The following FEZ2 variants were observed in gnomAD, a reference collection of about 807,000 sequenced individuals.
FEZ2 encodes the protein fasciculation and elongation protein zeta-2.
Under a neutral mutation model 40.4 loss-of-function variants are expected in FEZ2, and 51 were observed. The ratio of observed to expected loss-of-function variants is 1.26; its 90% confidence interval spans 1.01 to 1.59. FEZ2 has a LOEUF of 1.59. Ranked by LOEUF, FEZ2 falls within the 40% of genes most tolerant of loss-of-function variation. The pLI is 0.00. For missense variants in FEZ2, 640 were observed against 438.3 expected (o/e 1.46, Z -4.11); for synonymous variants, 242 against 172.0 (o/e 1.41, Z -3.18).
chr2:36,594,815 A>G (rs1669167226), intron 1 of FEZ2, among the ~76,000 whole-genome samples: 1 of 152,252 alleles, frequency 6.6e-6, no homozygotes, highest in African/African-American at 2.4e-5. Context: ...GCTATAAGAA[A>G]AAGGCAAATG....
intron 1 of FEZ2, among the ~76,000 whole-genome samples, chr2:36,597,599 T>C (rs1180759010): frequency 6.6e-6 from 1 of 152,194 alleles, no homozygotes; most frequent in African/African-American, 2.4e-5. Flanking sequence ...GGGCTCTGCA[T>C]GGGCGATTCC....
In FEZ2 at chr2:36,552,927, G is replaced by C. The variant is rs1390756300; in HGVS notation, c.*236C>G. ...ATATTACTCTCTCTTAATCTACTAA[G>C]AGAACAGTTTATTAGTAGATTTAAC... On this transcript the variant is annotated 3_prime_UTR_variant, in exon 8 of 8. Transcript: ENST00000405912. 2.0e-6 allele frequency: 1 copy of C among 512,504 alleles called. No homozygotes were observed. Among genetic ancestry groups the C allele is most frequent in the Non-Finnish European group, 3.5e-6 (1 of 285,682 alleles). The allele number at this position is 512,504 out of a possible 1,614,324, so 31.7% of individuals were successfully genotyped here.
chr2:36,593,991 A>T (rs1669144184), intron 1 of FEZ2, among the ~76,000 whole-genome samples: 1 of 151,924 alleles, frequency 6.6e-6, no homozygotes, highest in African/African-American at 2.4e-5. Context: ...CAGATACCCT[A>T]ACTCATCTCC....
rs573896953 is a variant in FEZ2, at chr2:36,552,819, C to T, written c.*344G>A. 28 of 252,260 alleles carry T rather than the reference C, an allele frequency of 1.1e-4. No individual in the cohort carries two copies. Among genetic ancestry groups the T allele is most frequent in the Non-Finnish European group, 2.0e-4 (27 of 132,514 alleles). The allele number at this position is 252,260 out of a possible 1,614,324, so 15.6% of individuals were successfully genotyped here. On this transcript the variant is annotated 3_prime_UTR_variant, in exon 8 of 8. Coordinates refer to ENST00000405912, the MANE Select transcript of FEZ2 (RefSeq NM_005102.3). ...CTCCCAAGGCTTTAATCTAGTTCAT[C>T]AGTGCAGTTTAGATAAGAAAGCCAT...
At chr2:36,570,692 C>T (rs1404108351) in intron 5 of FEZ2, among the ~76,000 whole-genome samples, 1 of 152,198 alleles carries the variant, frequency 6.6e-6, no homozygotes, top group African/African-American at 2.4e-5. Context: ...TAGTCTACTG[C>T]TCCTAGGCTA....
chr2:36,571,353 T>C (rs566244060), intron 5 of FEZ2, among the ~76,000 whole-genome samples: 83 of 152,326 alleles, frequency 5.4e-4, no homozygotes, highest in African/African-American at 1.7e-3. Context: ...AATGTGTCAA[T>C]ATTTACATTC....
chr2:36,578,544 C>G, intron 5 of FEZ2, 53 bp downstream of exon 5: 2 of 1,562,744 alleles, frequency 1.3e-6, no homozygotes, highest in Non-Finnish European at 1.7e-6. Context: ...AAGGCTGGGA[C>G]TACCACAGAA....
rs984345381 is a variant in FEZ2, at chr2:36,558,477, C to T, written c.940G>A (p.Gly314Arg). 9.8e-6 allele frequency: 15 copies of T among 1,523,544 alleles called. No homozygotes were observed. Among genetic ancestry groups the T allele is most frequent in the Non-Finnish European group, 1.1e-5 (13 of 1,131,514 alleles). The allele number at this position is 1,523,544 out of a possible 1,614,324, so 94.4% of individuals were successfully genotyped here. A position where few individuals can be genotyped will look rare whatever the true frequency, so the allele number is the denominator to read the frequency against. The change falls in exon 6 of 8, where the codon GGA becomes AGA. Residue 314 changes from glycine (G) to arginine (R), a missense_variant. Gly to Arg is a moderately radical substitution (Grantham distance 125). Transcript: ENST00000405912. ...TGAAGATCTTCAACAGACGGTGGTC[C>T]GTTTTTTTTCTCATAAGGAATGACT... ...TTVIPYEKKN[G>R]PPSVEDLQIL...
chr2:36,584,517 C>T (rs1381949301), intron 2 of FEZ2, among the ~76,000 whole-genome samples: 1 of 152,138 alleles, frequency 6.6e-6, no homozygotes, highest in Non-Finnish European at 1.5e-5. Flanking sequence ...CTATCATCTA[C>T]CTATCTGTCA....
chr2:36,597,968 T>A lies in FEZ2; in HGVS notation c.175A>T (p.Ser59Cys). The A allele has an allele frequency of 6.7e-7, 1 of 1,483,664 alleles. No individual in the cohort carries two copies. Among genetic ancestry groups the A allele is most frequent in the Non-Finnish European group, 8.9e-7 (1 of 1,123,148 alleles). The allele number at this position is 1,483,664 out of a possible 1,614,324, so 91.9% of individuals were successfully genotyped here. Residue 59 changes from serine to cysteine, a missense_variant, in exon 1 of 8, where the codon AGC becomes TGC. Ser to Cys is a moderately radical substitution (Grantham distance 112). Coordinates refer to ENST00000405912, the MANE Select transcript of FEZ2 (RefSeq NM_005102.3). The stretch of plus-strand genomic sequence containing the variant: ...GGATCCGAGGGGCGGAAGCACAGGC[T>A]CAGCTTCTCCTCCAAGCTGCAGGCC... The part of the protein sequence containing the change: ...APACSLEEKL[S>C]LCFRPSDPGA...
At chr2:36,578,539 T>G in intron 5 of FEZ2, 58 bp downstream of exon 5, 4 of 1,554,094 alleles carry the variant, frequency 2.6e-6, no homozygotes, top group Non-Finnish European at 3.5e-6. Flanking sequence ...CCCCAAAGGC[T>G]GGGACTACCA....
rs1669294824 is a variant in FEZ2 at position 36,598,049 on chromosome 2, G to A, written c.94C>T (p.Pro32Ser). 2.7e-6 allele frequency: 4 copies of A among 1,493,928 alleles called. No individual in the cohort carries two copies. The highest frequency in any genetic ancestry group is 2.7e-6 in the Non-Finnish European group (3 of 1,126,708). 92.5% of individuals were successfully genotyped at this position (1,493,928 alleles called of 1,614,324 possible). The change falls in exon 1 of 8, where the codon CCT becomes TCT. Residue 32 changes from proline (P) to serine (S), a missense_variant. Pro to Ser is a moderately conservative substitution (Grantham distance 74). Transcript: ENST00000405912. ...DQENCNASPE[P>S]GAEAGAEAGG... ...GCCTCGGCCCCCGCCTCCGCCCCAGGCTCGGGGCTCGCGTTACAGTTCTCC... is the reference window on the plus strand; with the variant it reads ...GCCTCGGCCCCCGCCTCCGCCCCAGACTCGGGGCTCGCGTTACAGTTCTCC...
chr2:36,566,026 C>T (rs1668228003), intron 5 of FEZ2, among the ~76,000 whole-genome samples: 1 of 152,224 alleles, frequency 6.6e-6, no homozygotes, highest in African/African-American at 2.4e-5. Flanking sequence ...ATGGGCAGCA[C>T]ATTCCTGGAA....
Position 36,578,893 on chromosome 2 carries a change from T to C in FEZ2, c.635-28A>G, listed in dbSNP as rs1349103463. 3 of 1,582,696 alleles carry C rather than the reference T, an allele frequency of 1.9e-6. No individual in the cohort carries two copies. In the African/African-American group the frequency reaches 4.1e-5, roughly 22 times the overall value. On this transcript the variant is annotated intron_variant, in intron 4 of 7. Transcript: ENST00000405912. ...GTGACCAAAAGCAAAATACAGCAGA[T>C]ATTAAGACAAAAACATTTCAAGGAA... is the stretch of plus-strand genomic sequence containing the variant.
chr2:36,594,580 C>T (rs1160395567), intron 1 of FEZ2: 1 of 153,440 alleles, frequency 6.5e-6, no homozygotes, highest in Non-Finnish European at 1.4e-5. Flanking sequence ...ATAGGAAAGA[C>T]CAGCCCCCAT....
At chr2:36,557,521 T>C (rs1489518369) in intron 6 of FEZ2, 3 of 152,164 alleles carry the variant, frequency 2.0e-5, no homozygotes, top group African/African-American at 4.8e-5. Context: ...TACTCATCCA[T>C]GTGATGCTCT....
intron 5 of FEZ2, chr2:36,561,241 G>C (rs1425321229): frequency 6.3e-6 from 1 of 159,888 alleles, no homozygotes; most frequent in Non-Finnish European, 1.4e-5. Context: ...GAAAACTTAA[G>C]ATGAACAGTA....
At chr2:36,578,962 G>A (rs932839370) in intron 4 of FEZ2, 97 bp from the exon 5 acceptor site, 2 of 973,502 alleles carry the variant, frequency 2.1e-6, no homozygotes, top group Admixed American at 2.3e-5. Flanking sequence ...AAACACCTAT[G>A]TAATCAATGC....
Position 36,552,882 on chromosome 2 carries a change from C to A in FEZ2, c.*281G>T. On this transcript the variant is annotated 3_prime_UTR_variant, in exon 8 of 8. Transcript: ENST00000405912. ...GCATACTGTCAGTTAATGAGAAATA[C>A]AACTGCACATGCACAATTAATATTA... 2.6e-6 allele frequency: 1 copy of A among 379,910 alleles called. No individual in the cohort carries two copies. Among genetic ancestry groups the A allele is most frequent in the Non-Finnish European group, 4.7e-6 (1 of 213,044 alleles). The allele number at this position is 379,910 out of a possible 1,614,324, so 23.5% of individuals were successfully genotyped here.
Sources: gnomAD v4.1 joint callset for allele counts (sites outside exome capture counted in the v4.1 genomes callset) on GRCh38, gnomAD v4.1.1 for gene constraint, MANE v1.5 for transcripts, NCBI Gene and HGNC (gene_info 2026-07-23, HGNC 2026-07-21) for gene names.